The following ARHGAP6 variants were observed in gnomAD, a reference collection of about 807,000 sequenced individuals.
ARHGAP6 encodes rho GTPase-activating protein 6.
ARHGAP6 carries 16 observed loss-of-function variants against 55.7 expected under a neutral mutation model. The observed-to-expected ratio is 0.29, with a 90% CI of 0.19 to 0.44. The LOEUF (loss-of-function observed/expected upper bound fraction) is 0.44. ARHGAP6 is among the 20% of genes least tolerant of loss of function. ARHGAP6 has a pLI of 1.00. For missense variants in ARHGAP6, 698 were observed against 808.9 expected, an observed-to-expected ratio of 0.86 and a Z score of 1.66; for synonymous variants, 382 against 360.9, an observed-to-expected ratio of 1.06 and a Z score of -0.66.
At chrX:11,141,102 G>A (rs752273354) in intron 12 of ARHGAP6, among the ~76,000 whole-genome samples, 2 of 111,869 alleles carry the variant, frequency 1.8e-5, no homozygotes, top group Non-Finnish European at 1.9e-5. Context: ...AAAATGCACT[G>A]TGCTTTTAAA....
At chrX:11,366,818 T>A (rs1441720317) in intron 1 of ARHGAP6, among the ~76,000 whole-genome samples, 1 of 111,985 alleles carries the variant, frequency 8.9e-6, no homozygotes, top group Non-Finnish European at 1.9e-5. Context: ...AATAACCAAG[T>A]GTGTCTCTGT....
At chrX:11,364,951 T>C (rs907057250) in intron 1 of ARHGAP6, among the ~76,000 whole-genome samples, 1 of 110,455 alleles carries the variant, frequency 9.1e-6, no homozygotes, top group Admixed American at 9.7e-5. Flanking sequence ...AGTCACATGA[T>C]GACAGTTAGC....
chrX:11,607,876 C>T (rs1289752462), intron 1 of ARHGAP6, among the ~76,000 whole-genome samples: 1 of 112,343 alleles, frequency 8.9e-6, no homozygotes, highest in African/African-American at 3.2e-5. Context: ...AACAGCACAT[C>T]TGATACTACA....
intron 1 of ARHGAP6, among the ~76,000 whole-genome samples, chrX:11,421,351 T>C (rs2049821155): frequency 8.9e-6 from 1 of 112,172 alleles, no homozygotes; most frequent in Non-Finnish European, 1.9e-5. Flanking sequence ...TGTGTTGTGC[T>C]TTGTAGGATG....
intron 1 of ARHGAP6, among the ~76,000 whole-genome samples, chrX:11,545,474 TAAA>T (rs775252280): frequency 9.0e-6 from 1 of 111,512 alleles, no homozygotes; most frequent in Admixed American, 9.6e-5. Flanking sequence ...CAGGCTTTCT[TAAA>T]AAAAATAATT....
At chrX:11,385,722 T>A (rs2147729620) in intron 1 of ARHGAP6, among the ~76,000 whole-genome samples, 1 of 112,181 alleles carries the variant, frequency 8.9e-6, no homozygotes, top group Non-Finnish European at 1.9e-5. Context: ...AATATTTAGA[T>A]GCTCAGTAAA....
At chrX:11,330,088 G>T (rs1456207634) in intron 1 of ARHGAP6, among the ~76,000 whole-genome samples, 1 of 113,017 alleles carries the variant, frequency 8.8e-6, no homozygotes, top group Non-Finnish European at 1.9e-5. Flanking sequence ...CAATTTTTTA[G>T]CACTGACTAC....
intron 1 of ARHGAP6, among the ~76,000 whole-genome samples, chrX:11,277,749 G>C (rs1376233483): frequency 9.1e-6 from 1 of 109,292 alleles, no homozygotes; most frequent in East Asian, 2.9e-4. Flanking sequence ...ACCACAAAGA[G>C]TAGATTAACT....
At chrX:11,591,190 CAAAAAAAAAT>C (rs1352900309) in intron 1 of ARHGAP6, among the ~76,000 whole-genome samples, 1 of 103,228 alleles carries the variant, frequency 9.7e-6, no homozygotes, top group Non-Finnish European at 2.0e-5. Flanking sequence ...AGACTCGTCT[CAAAAAAAAAT>C]AAAAATAAAT....
chrX:11,333,044 C>A (rs965940140), intron 1 of ARHGAP6, among the ~76,000 whole-genome samples: 3 of 112,026 alleles, frequency 2.7e-5, no homozygotes, highest in Admixed American at 9.5e-5. Flanking sequence ...CAGCAGGAGA[C>A]AATTACACAA....
chrX:11,350,989 T>C (rs1387860736), intron 1 of ARHGAP6, among the ~76,000 whole-genome samples: 1 of 109,816 alleles, frequency 9.1e-6, no homozygotes, highest in Non-Finnish European at 1.9e-5. Flanking sequence ...CAATTTTTAA[T>C]TCCTTGAAGT....
rs754808018 is a variant in ARHGAP6, at chrX:11,258,031, C to G, written c.589-3324G>C. Among the ~76,000 whole-genome samples the G allele has an allele frequency of 3.6e-5, 4 of 111,033 alleles. No homozygotes were observed. In the East Asian group the frequency reaches 1.1e-3, roughly 31 times the overall value. ...GGTGAAGCCAAGCAGAAGTCAGGGCCAGATTCTGTAGGGCTGTCTCTGTTG... is the reference window on the plus strand; with the variant it reads ...GGTGAAGCCAAGCAGAAGTCAGGGCGAGATTCTGTAGGGCTGTCTCTGTTG... On this transcript the variant is annotated intron_variant, in intron 1 of 12. Coordinates refer to ENST00000337414, the MANE Select transcript of ARHGAP6 (RefSeq NM_013427.3).
intron 9 of ARHGAP6, among the ~76,000 whole-genome samples, chrX:11,168,403 T>C (rs1397258248): frequency 8.9e-6 from 1 of 112,400 alleles, no homozygotes; most frequent in African/African-American, 3.2e-5. Flanking sequence ...ATTTTGTTTT[T>C]CCCATTTCTA....
intron 1 of ARHGAP6, among the ~76,000 whole-genome samples, chrX:11,661,556 A>G (rs2052703594): frequency 8.9e-6 from 1 of 112,696 alleles, no homozygotes; most frequent in African/African-American, 3.2e-5. Context: ...AAAAGCAGAC[A>G]AGATTCTGAA....
In ARHGAP6 at chrX:11,406,941, T is replaced by C. The variant is rs373507741; in HGVS notation, c.589-152234A>G. Among the ~76,000 whole-genome samples, 23 of 110,541 alleles carry C rather than the reference T, an allele frequency of 2.1e-4. 1 individual carries two copies. The East Asian group carries it at 5.3e-3, about 26-fold the overall frequency. Reference sequence around the variant, plus strand: ...CTTACAGTGGAATAGACCATGCATGTCTAGCATTGCTTGGCTTTCTTGGTT... The same window carrying C: ...CTTACAGTGGAATAGACCATGCATGCCTAGCATTGCTTGGCTTTCTTGGTT... On this transcript the variant is annotated intron_variant, in intron 1 of 12. Transcript: ENST00000337414.
At chrX:11,405,223 C>T (rs1283532102) in intron 1 of ARHGAP6, among the ~76,000 whole-genome samples, 1 of 111,749 alleles carries the variant, frequency 8.9e-6, no homozygotes, top group Non-Finnish European at 1.9e-5. Context: ...ACCACATGGC[C>T]ATGGGTGCCC....
At chrX:11,356,701 T>C (rs996914236) in intron 1 of ARHGAP6, among the ~76,000 whole-genome samples, 1 of 111,574 alleles carries the variant, frequency 9.0e-6, no homozygotes, top group East Asian at 2.8e-4. Flanking sequence ...TTAAAGAATA[T>C]TGTTAGACTG....
At position 11,520,129 on chromosome X, in the gene ARHGAP6, TTTTATATATATATATATATATATA is replaced by T. The variant is rs1343322037; in HGVS notation, c.588+144088_588+144111del. On this transcript the variant is annotated intron_variant, in intron 1 of 12. Transcript: ENST00000337414. The stretch of plus-strand genomic sequence containing the variant: ...TGTTCTTTAACAGTTAGAGAATTGA[TTTTATATATATATATATATATATA>T]TATATATATATATATATATATATAT... Among the ~76,000 whole-genome samples, 3 of 34,695 alleles carry T rather than the reference TTTTATATATATATATATATATATA, an allele frequency of 8.6e-5. 1 individual carries two copies. The highest frequency in any genetic ancestry group is 3.1e-4 in the African/African-American group (3 of 9,823). The allele number at this position is 34,695 out of a possible 115,157, so 30.1% of individuals were successfully genotyped here. A position where few individuals can be genotyped will look rare whatever the true frequency, so the allele number is the denominator to read the frequency against.
Position 11,207,412 on chromosome X carries a change from A to G in ARHGAP6, c.749-10416T>C, listed in dbSNP as rs1395053675. Among the ~76,000 whole-genome samples, 3 of 112,161 alleles carry G rather than the reference A, an allele frequency of 2.7e-5. No individual in the cohort carries two copies. In the Admixed American group the frequency reaches 2.8e-4, roughly 11 times the overall value. On this transcript the variant is annotated intron_variant, in intron 2 of 12. Transcript: ENST00000337414. ...CTCTAAATTGTTTGTTTGTTTCACT[A>G]CATGACATTCCATATACTTACCATC...
Sources: gnomAD v4.1 joint callset for allele counts (sites outside exome capture counted in the v4.1 genomes callset) on GRCh38, gnomAD v4.1.1 for gene constraint, MANE v1.5 for transcripts, NCBI Gene and HGNC (gene_info 2026-07-23, HGNC 2026-07-21) for gene names.